The following NRXN1 variants were observed in gnomAD, a reference collection of about 807,000 sequenced individuals.
NRXN1 encodes neurexin 1, also known as neurexin-1.
In NRXN1, 39 loss-of-function variants were observed where a neutral mutation model predicts 150.9. The ratio of observed to expected loss-of-function variants is 0.26; its 90% CI spans 0.20 to 0.34. The LOEUF (loss-of-function observed/expected upper bound fraction) is 0.34. Ranked by LOEUF, NRXN1 falls within the 10% of genes least tolerant of loss-of-function variation. The pLI is 1.00. For synonymous variants in NRXN1, 924 were observed against 757.0 expected (o/e 1.22, Z -3.62); for missense variants, 1,815 against 1,949.9 (o/e 0.93, Z 1.30).
chr2:50,482,945 G>A (rs949135128), intron 15 of NRXN1, among the ~76,000 whole-genome samples: 1 of 151,236 alleles, frequency 6.6e-6, no homozygotes, highest in Non-Finnish European at 1.5e-5. Flanking sequence ...CAGCTATTTG[G>A]GAGGCTGAGG....
intron 21 of NRXN1, among the ~76,000 whole-genome samples, chr2:50,047,505 G>T (rs746625991): frequency 1.1e-4 from 17 of 152,084 alleles, no homozygotes; most frequent in Non-Finnish European, 2.2e-4. Flanking sequence ...CTGGCTTCCA[G>T]TTTCCTAAGA....
At chr2:50,032,974 A>G (rs1689408405) in intron 21 of NRXN1, among the ~76,000 whole-genome samples, 1 of 151,752 alleles carries the variant, frequency 6.6e-6, no homozygotes, top group Non-Finnish European at 1.5e-5. Flanking sequence ...CCCCATATTT[A>G]TATACTGTGT....
intron 17 of NRXN1, among the ~76,000 whole-genome samples, chr2:50,437,300 T>G (rs1280039847): frequency 1.3e-5 from 2 of 152,190 alleles, no homozygotes; most frequent in African/African-American, 4.8e-5. Context: ...ATTTGTCCTC[T>G]TGGCACCAAG....
chr2:50,518,821 T>C (rs1009356409), intron 12 of NRXN1, among the ~76,000 whole-genome samples: 8 of 151,910 alleles, frequency 5.3e-5, no homozygotes, highest in African/African-American at 1.7e-4. Context: ...TATTATTAAG[T>C]ACATGACTGA....
At chr2:50,463,664 G>A (rs6732399) in intron 17 of NRXN1, among the ~76,000 whole-genome samples, 74,050 of 151,588 alleles carry the variant, frequency 0.49, 19,094 homozygotes, top group African/African-American at 0.65. Context: ...TTGTATCTTG[G>A]TGTTTCTTTA....
chr2:50,329,149 T>G (rs2076579562), intron 17 of NRXN1, among the ~76,000 whole-genome samples: 1 of 152,044 alleles, frequency 6.6e-6, no homozygotes, highest in Non-Finnish European at 1.5e-5. Flanking sequence ...GAGAAAAAAA[T>G]GTTAGCAATA....
chr2:50,140,618 C>T (rs1410231745), intron 18 of NRXN1, among the ~76,000 whole-genome samples: 2 of 151,842 alleles, frequency 1.3e-5, no homozygotes, highest in Non-Finnish European at 2.9e-5. Flanking sequence ...TCGATACTCT[C>T]CTACAGAAAT....
At chr2:50,188,812 A>G (rs961989668) in intron 18 of NRXN1, among the ~76,000 whole-genome samples, 2 of 152,232 alleles carry the variant, frequency 1.3e-5, no homozygotes, top group Non-Finnish European at 2.9e-5. Flanking sequence ...CAACACCACA[A>G]TGAGATACCA....
At chr2:51,027,344 G>T (rs1670663665) in intron 2 of NRXN1, among the ~76,000 whole-genome samples, 158 bp downstream of exon 2, 1 of 152,184 alleles carries the variant, frequency 6.6e-6, no homozygotes, top group Admixed American at 6.5e-5. Flanking sequence ...AGCTGTGGAG[G>T]TGGTAAGGTA....
intron 8 of NRXN1, among the ~76,000 whole-genome samples, chr2:50,555,064 T>C (rs1333308783): frequency 6.6e-6 from 1 of 152,194 alleles, no homozygotes; most frequent in East Asian, 1.9e-4. Flanking sequence ...AAGGATGATT[T>C]TCCAAGTTTT....
chr2:50,915,186 T>C (rs1240678757), intron 5 of NRXN1, among the ~76,000 whole-genome samples: 1 of 151,632 alleles, frequency 6.6e-6, no homozygotes, highest in African/African-American at 2.4e-5. Context: ...AAGATAATTA[T>C]ATGTTATTTT....
intron 17 of NRXN1, among the ~76,000 whole-genome samples, chr2:50,320,177 T>G (rs189451822): frequency 1.3e-5 from 2 of 151,324 alleles, no homozygotes; most frequent in East Asian, 3.9e-4. Flanking sequence ...CTAACAATTC[T>G]AATGAGAAGG....
intron 17 of NRXN1, among the ~76,000 whole-genome samples, chr2:50,266,476 AAT>A (rs1273747782): frequency 4.1e-5 from 6 of 147,640 alleles, no homozygotes; most frequent in Admixed American, 2.7e-4. Context: ...ATAACTCTAT[AAT>A]ATATATAATT....
At chr2:50,657,853 G>C (rs796706088) in intron 5 of NRXN1, among the ~76,000 whole-genome samples, 2 of 152,150 alleles carry the variant, frequency 1.3e-5, no homozygotes, top group South Asian at 4.1e-4. Flanking sequence ...GGAAGAGGCT[G>C]TGGTATTTAC....
intron 21 of NRXN1, among the ~76,000 whole-genome samples, chr2:50,016,883 C>T (rs941908877): frequency 6.6e-6 from 1 of 152,130 alleles, no homozygotes; most frequent in African/African-American, 2.4e-5. Context: ...AGTGAGAAGC[C>T]TGGCACTTCC....
intron 2 of NRXN1, among the ~76,000 whole-genome samples, chr2:50,969,210 G>A (rs574931499): frequency 2.2e-4 from 34 of 152,024 alleles, no homozygotes; most frequent in Admixed American, 6.6e-4. Flanking sequence ...TATTTTCTGC[G>A]GAGCACTAAT....
chr2:50,733,134 A>G (rs574926586), intron 5 of NRXN1, among the ~76,000 whole-genome samples: 1 of 152,316 alleles, frequency 6.6e-6, no homozygotes, highest in South Asian at 2.1e-4. Context: ...AGCATTTAAC[A>G]TTTGGAGCTT....
At position 50,773,146 on chromosome 2, in the gene NRXN1, T is replaced by G. The variant is rs528570207; in HGVS notation, c.832+148723A>C. Among the ~76,000 whole-genome samples the G allele has an allele frequency of 6.6e-5, 10 of 152,242 alleles. No individual in the cohort carries two copies. In the East Asian group the frequency reaches 1.7e-3, roughly 27 times the overall value. On this transcript the variant is annotated intron_variant, in intron 5 of 22. Transcript: ENST00000401669. The stretch of plus-strand genomic sequence containing the variant: ...TTTCCTGTTTCTATACAGCAGTCAT[T>G]TGGACTCTACAATATTTCAATCTGT...
chr2:50,538,322 T>C lies in NRXN1; in HGVS notation c.2074A>G (p.Arg692Gly). The C allele has an allele frequency of 6.2e-7, 1 of 1,614,022 alleles. No homozygotes were observed. Among genetic ancestry groups the C allele is most frequent in the Non-Finnish European group, 8.5e-7 (1 of 1,179,872 alleles). The change falls in exon 10 of 23, where the codon AGG (arginine) becomes GGG (glycine). Residue 692 changes from arginine (R) to glycine (G), a missense_variant. This residue lies in a region of NRXN1 where 638 missense variants were observed against 652.6 expected (regional missense o/e 0.98). Transcript: ENST00000401669. ...CAGACATATCTGTTCCACCCATCCC[T>C]GCACATGCCATTGTTTTTGCAAGGG... ...SNPCKNNGMC[R>G]DGWNRYVCDC...
Sources: allele counts gnomAD v4.1 joint callset (sites outside exome capture counted in the v4.1 genomes callset), GRCh38; gene constraint gnomAD v4.1.1; regional missense constraint gnomAD v4.1.1; transcripts MANE v1.5; gene names NCBI Gene and HGNC (gene_info 2026-07-23, HGNC 2026-07-21).